PLIN3: variants seen among roughly 807,000 people sequenced by gnomAD.
PLIN3 encodes perilipin-3.
Under a neutral mutation model 35.9 loss-of-function variants are expected in PLIN3, and 30 were observed. The observed-to-expected ratio is 0.84, with a 90% CI of 0.62 to 1.13. The LOEUF is 1.13. PLIN3 is among the 50% of genes most tolerant of loss of function. The pLI is 0.00. For missense variants in PLIN3, 603 were observed against 596.9 expected, an observed-to-expected ratio of 1.01 and a Z score of -0.11; for synonymous variants, 261 against 262.5, an observed-to-expected ratio of 0.99 and a Z score of 0.06.
chr19:4,840,411 C>T (rs893798762), intron 7 of PLIN3, among the ~76,000 whole-genome samples: 10 of 152,076 alleles, frequency 6.6e-5, no homozygotes, highest in African/African-American at 2.2e-4. Flanking sequence ...CTCACTACCA[C>T]GCCCAGCTAC....
intron 4 of PLIN3, among the ~76,000 whole-genome samples, chr19:4,859,004 G>C (rs1178664983): frequency 2.0e-5 from 3 of 151,774 alleles, no homozygotes; most frequent in African/African-American, 7.3e-5. Context: ...GCCCGGCCAG[G>C]AACATGGTGT....
At chr19:4,842,453 A>G (rs1342806793) in intron 7 of PLIN3, among the ~76,000 whole-genome samples, 1 of 151,680 alleles carries the variant, frequency 6.6e-6, no homozygotes, top group Non-Finnish European at 1.5e-5. Context: ...AAATCAAATT[A>G]GCTGGGCGTG....
Position 4,852,239 on chromosome 19 carries a change from A to G in PLIN3, c.411T>C (p.Ser137=). 1 of 1,609,524 alleles carries G rather than the reference A, an allele frequency of 6.2e-7. No homozygotes were observed. Among genetic ancestry groups the G allele is most frequent in the Non-Finnish European group, 8.5e-7 (1 of 1,179,992 alleles). ...SKVSGAQEMV[S]SAKDTVATQL... ...GGGTGGCCACCGTGTCCTTGGCGCTAGACACCATCTCTTGGGCCCCCGACA... is the reference window on the plus strand; with the variant it reads ...GGGTGGCCACCGTGTCCTTGGCGCTGGACACCATCTCTTGGGCCCCCGACA... The change falls in exon 5 of 8, where the codon TCT becomes TCC. Residue 137 remains serine, a synonymous_variant. Coordinates refer to ENST00000221957, the MANE Select transcript of PLIN3 (RefSeq NM_005817.5).
At chr19:4,846,630 T>C (rs988289105) in intron 6 of PLIN3, among the ~76,000 whole-genome samples, 1 of 151,038 alleles carries the variant, frequency 6.6e-6, no homozygotes, top group Non-Finnish European at 1.5e-5. Flanking sequence ...ACCCGGGAAG[T>C]GGAGGTTGCA....
chr19:4,859,096 G>A (rs772901657), intron 4 of PLIN3, among the ~76,000 whole-genome samples: 9 of 152,146 alleles, frequency 5.9e-5, no homozygotes, highest in Non-Finnish European at 1.0e-4. Context: ...AAAGGGCCAC[G>A]TAACTAAGAT....
chr19:4,853,481 A>G (rs2146207209), intron 4 of PLIN3, among the ~76,000 whole-genome samples: 1 of 151,892 alleles, frequency 6.6e-6, no homozygotes, highest in East Asian at 2.0e-4. Flanking sequence ...ACATGCCACC[A>G]TGCCGAGCCG....
In PLIN3 at chr19:4,844,656, C is replaced by T; in HGVS notation, c.960+12G>A. The T allele has an allele frequency of 6.2e-7, 1 of 1,604,704 alleles. No individual in the cohort carries two copies. Among genetic ancestry groups the T allele is most frequent in the Non-Finnish European group, 8.5e-7 (1 of 1,176,362 alleles). ...AGTACCCTAGGCCACCCCCCAGTCC[C>T]CTCATGGGTACCTCTGGCTTGGGCG... On this transcript the variant is annotated intron_variant, in intron 7 of 7. Coordinates refer to ENST00000221957, the MANE Select transcript of PLIN3 (RefSeq NM_005817.5).
intron 7 of PLIN3, among the ~76,000 whole-genome samples, chr19:4,839,751 C>T (rs1250644355): frequency 3.3e-5 from 5 of 151,622 alleles, no homozygotes; most frequent in African/African-American, 7.3e-5. Flanking sequence ...CTGCAAGCTC[C>T]GCCTCTCAGG....
At position 4,847,836 on chromosome 19, in the gene PLIN3, C is replaced by CGCT. The variant is rs761467734; in HGVS notation, c.686_688dup (p.Gln229dup). 6.2e-7 allele frequency: 1 copy of CGCT among 1,613,650 alleles called. No individual in the cohort carries two copies. The highest frequency in any genetic ancestry group is 8.5e-7 in the Non-Finnish European group (1 of 1,179,744). On this transcript the variant is annotated inframe_insertion, in exon 6 of 8. Coordinates refer to ENST00000221957, the MANE Select transcript of PLIN3 (RefSeq NM_005817.5). ...ACGTACGAAGTAGCTCTGTTCCTGC[C>CGCT]GCTGCTGCTGCACGGACGCGACGTC...
chr19:4,860,369 A>AT (rs1158170879), intron 2 of PLIN3, among the ~76,000 whole-genome samples: 1 of 151,464 alleles, frequency 6.6e-6, no homozygotes, highest in South Asian at 2.1e-4. Context: ...CGCCCAGCTA[A>AT]TTTTTTTGTA....
chr19:4,857,770 G>C (rs1041205997), intron 4 of PLIN3, among the ~76,000 whole-genome samples: 1 of 151,660 alleles, frequency 6.6e-6, no homozygotes, highest in African/African-American at 2.4e-5. Flanking sequence ...GAGGTCGGGA[G>C]CTCGAGACCA....
intron 2 of PLIN3, 100 bp downstream of exon 2, chr19:4,861,229 G>A (rs921805399): frequency 5.4e-5 from 53 of 980,558 alleles, no homozygotes; most frequent in Admixed American, 7.1e-5. Context: ...GTGAGCTGCC[G>A]GCAGATCCCT....
intron 5 of PLIN3, 30 bp from the exon 6 acceptor site, chr19:4,847,920 AAGACC>A (rs2030163456): frequency 6.5e-7 from 1 of 1,546,070 alleles, no homozygotes; most frequent in Non-Finnish European, 8.9e-7. Context: ...GGTCTCTGTG[AAGACC>A]AGAACACACA....
chr19:4,851,935 A>C, intron 5 of PLIN3, 81 bp downstream of exon 5: 1 of 1,441,454 alleles, frequency 6.9e-7, no homozygotes, highest in Non-Finnish European at 9.4e-7. Flanking sequence ...GAGTGTCGGC[A>C]CAGACCCCAG....
At chr19:4,840,467 G>T (rs1369003202) in intron 7 of PLIN3, among the ~76,000 whole-genome samples, 1 of 152,112 alleles carries the variant, frequency 6.6e-6, no homozygotes, top group South Asian at 2.1e-4. Context: ...AAGTTGCCCA[G>T]GTCTTAAACT....
intron 3 of PLIN3, 24 bp from the exon 4 acceptor site, chr19:4,859,696 A>C (rs1193029114): frequency 6.2e-7 from 1 of 1,612,538 alleles, no homozygotes; most frequent in African/African-American, 1.3e-5. Flanking sequence ...TTAAGACGCA[A>C]ATGTGACTGC....
At chr19:4,840,081 C>A (rs1568371400) in intron 7 of PLIN3, among the ~76,000 whole-genome samples, 1 of 150,686 alleles carries the variant, frequency 6.6e-6, no homozygotes, top group Non-Finnish European at 1.5e-5. Context: ...GATTCTCCTA[C>A]CTCAGCCTCC....
intron 6 of PLIN3, among the ~76,000 whole-genome samples, chr19:4,846,724 G>A (rs2030111045): frequency 6.6e-6 from 1 of 151,948 alleles, no homozygotes; most frequent in African/African-American, 2.4e-5. Flanking sequence ...TTAGGACACA[G>A]ACATACACAG....
chr19:4,851,979 G>A (rs1252130051), intron 5 of PLIN3, 37 bp downstream of exon 5: 1 of 1,590,664 alleles, frequency 6.3e-7, no homozygotes, highest in Non-Finnish European at 8.6e-7. Context: ...AGGGGGCCTG[G>A]GGAGGGGTCC....
Sources: gnomAD v4.1 joint callset for allele counts (sites outside exome capture counted in the v4.1 genomes callset) on GRCh38, gnomAD v4.1.1 for gene constraint, MANE v1.5 for transcripts, NCBI Gene and HGNC (gene_info 2026-07-23, HGNC 2026-07-21) for gene names.